ADAMTS17: variants seen among roughly 807,000 people sequenced by gnomAD.
ADAMTS17 encodes the protein A disintegrin and metalloproteinase with thrombospondin motifs 17.
ADAMTS17 carries 113 observed loss-of-function variants against 141.5 expected under a neutral mutation model. The observed-to-expected ratio is 0.80, with a 90% confidence interval of 0.69 to 0.93. The LOEUF is 0.93. ADAMTS17 is among the 40% of genes least tolerant of loss of function. The pLI is 0.00. For missense variants in ADAMTS17, 1,659 were observed against 1,517.9 expected, an observed-to-expected ratio of 1.09 and a Z score of -1.54; for synonymous variants, 768 against 630.6, an observed-to-expected ratio of 1.22 and a Z score of -3.27.
chr15:100,275,657 C>T lies in ADAMTS17; in HGVS notation c.789+5572G>A, dbSNP rs888607884. Among the ~76,000 whole-genome samples, 12 of 152,238 alleles carry T rather than the reference C, an allele frequency of 7.9e-5. 1 individual carries two copies. The highest frequency in any genetic ancestry group is 6.5e-4 in the Admixed American group (10 of 15,296). ...TGGCTGTGTCACGTCCCCAAGCCTC[C>T]ATTTCCTTCTCTGTAAAATGGGAAT... is the stretch of plus-strand genomic sequence containing the variant. On this transcript the variant is annotated intron_variant, in intron 4 of 21. Transcript: ENST00000268070.
intron 7 of ADAMTS17, among the ~76,000 whole-genome samples, chr15:100,244,337 G>A (rs1189175235): frequency 7.0e-6 from 1 of 143,812 alleles, no homozygotes; most frequent in Non-Finnish European, 1.5e-5. Flanking sequence ...GACAGTGGTG[G>A]ACAAGCAAGA....
intron 20 of ADAMTS17, among the ~76,000 whole-genome samples, chr15:99,984,848 G>A (rs910930232): frequency 6.6e-6 from 1 of 152,212 alleles, no homozygotes; most frequent in South Asian, 2.1e-4. Flanking sequence ...TGGTGGAGAC[G>A]GGGCATGGGA....
chr15:100,281,196 C>T (rs755291288), intron 4 of ADAMTS17, 33 bp downstream of exon 4: 5 of 1,599,738 alleles, frequency 3.1e-6, no homozygotes, highest in Admixed American at 1.7e-5. Context: ...GAAAACAGAG[C>T]CCCCCACATC....
At chr15:100,175,917 C>T (rs1019770848) in intron 8 of ADAMTS17, among the ~76,000 whole-genome samples, 1 of 152,162 alleles carries the variant, frequency 6.6e-6, no homozygotes, top group South Asian at 2.1e-4. Flanking sequence ...TTTTTGGCAG[C>T]CAAGTCTTTT....
intron 8 of ADAMTS17, among the ~76,000 whole-genome samples, chr15:100,162,485 A>G (rs1308589203): frequency 7.5e-5 from 10 of 132,788 alleles, no homozygotes; most frequent in Non-Finnish European, 1.1e-4. Flanking sequence ...ATGTGTATAT[A>G]TATGCACATA....
chr15:100,220,006 G>C (rs2042083739), intron 7 of ADAMTS17, among the ~76,000 whole-genome samples: 1 of 152,140 alleles, frequency 6.6e-6, no homozygotes, highest in Non-Finnish European at 1.5e-5. Flanking sequence ...CCATTTTGCA[G>C]AGAAGGAAAA....
intron 7 of ADAMTS17, among the ~76,000 whole-genome samples, chr15:100,222,340 C>G (rs752760845): frequency 6.6e-6 from 1 of 152,180 alleles, no homozygotes; most frequent in Non-Finnish European, 1.5e-5. Flanking sequence ...AGACCAGATG[C>G]TCCTGCCAGC....
intron 15 of ADAMTS17, among the ~76,000 whole-genome samples, chr15:100,091,095 C>G (rs900756698): frequency 6.6e-6 from 1 of 150,490 alleles, no homozygotes; most frequent in Non-Finnish European, 1.5e-5. Context: ...ACCGGGGAAA[C>G]TGCCTCGAGC....
intron 14 of ADAMTS17, among the ~76,000 whole-genome samples, chr15:100,101,790 A>G (rs979488108): frequency 2.6e-5 from 4 of 152,248 alleles, no homozygotes; most frequent in African/African-American, 4.8e-5. Context: ...TCTGGCTGGA[A>G]TAAGCAGTAC....
At chr15:100,028,601 C>T (rs925207979) in intron 18 of ADAMTS17, among the ~76,000 whole-genome samples, 9 of 152,222 alleles carry the variant, frequency 5.9e-5, no homozygotes, top group Admixed American at 1.3e-4. Flanking sequence ...TCTCTTAGCT[C>T]GCATCATTCT....
chr15:100,266,452 C>T (rs571932463), intron 4 of ADAMTS17, among the ~76,000 whole-genome samples: 3 of 152,318 alleles, frequency 2.0e-5, no homozygotes, highest in African/African-American at 7.2e-5. Context: ...AACTCCATTC[C>T]CCCAGGTAAG....
rs61634788 is a variant in ADAMTS17, at chr15:100,053,583, A to T, written c.2295+314T>A. On this transcript the variant is annotated intron_variant, in intron 16 of 21. Coordinates refer to ENST00000268070, the MANE Select transcript of ADAMTS17 (RefSeq NM_139057.4). ...GTGGGGCTGTCTGCTTAATGAGGCC[A>T]AGTCTCCCTGGCTGCCATCCACGTG... 4.9e-3 allele frequency among the ~76,000 whole-genome samples: 752 copies of T among 152,294 alleles called. 10 individuals are homozygous for T. Among genetic ancestry groups the T allele is most frequent in the African/African-American group, 0.017 (700 of 41,576 alleles).
At chr15:100,129,525 C>T (rs1736677365) in intron 12 of ADAMTS17, 1 of 152,276 alleles carries the variant, frequency 6.6e-6, no homozygotes, top group African/African-American at 2.4e-5. Flanking sequence ...GGGCAGATCA[C>T]CTCAGGTCAG....
intron 15 of ADAMTS17, among the ~76,000 whole-genome samples, chr15:100,091,900 T>G (rs1455626217): frequency 6.6e-6 from 1 of 152,200 alleles, no homozygotes; most frequent in Non-Finnish European, 1.5e-5. Flanking sequence ...TCCCTAATGG[T>G]GGTTCCTGGG....
intron 15 of ADAMTS17, among the ~76,000 whole-genome samples, chr15:100,073,584 T>C (rs1174431237): frequency 6.6e-6 from 1 of 151,812 alleles, no homozygotes; most frequent in Non-Finnish European, 1.5e-5. Context: ...TATGCAGCCA[T>C]AAAAAATGAT....
chr15:100,313,390 T>C (rs1377038402), intron 3 of ADAMTS17, among the ~76,000 whole-genome samples: 1 of 152,192 alleles, frequency 6.6e-6, no homozygotes, highest in Non-Finnish European at 1.5e-5. Context: ...TTACATAATA[T>C]GCCACATTAA....
chr15:100,133,265 G>C lies in ADAMTS17; in HGVS notation c.1524C>G (p.Cys508Trp). 6.3e-7 allele frequency: 1 copy of C among 1,599,912 alleles called. No individual in the cohort carries two copies. Among genetic ancestry groups the C allele is most frequent in the Non-Finnish European group, 8.5e-7 (1 of 1,172,078 alleles). Residue 508 changes from cysteine (C) to tryptophan (W), a missense_variant, in exon 11 of 22, where the codon TGC becomes TGG. By Grantham distance (215) the Cys-to-Trp change is radical (BLOSUM62 -2). Transcript: ENST00000268070. ...LWCLVEGDTS[C>W]KTKLDPPLDG... ...CCAGGGGAGGGTCCAGCTTGGTCTT[G>C]CAGGATGTGTCTCCTTCTACCAGGC...
intron 18 of ADAMTS17, among the ~76,000 whole-genome samples, chr15:100,017,718 C>G (rs1946758575): frequency 2.0e-5 from 3 of 152,206 alleles, no homozygotes; most frequent in African/African-American, 7.2e-5. Flanking sequence ...TTTGGAGTGT[C>G]TCCTGGGTCC....
chr15:100,090,127 C>A (rs1436234800), intron 15 of ADAMTS17, among the ~76,000 whole-genome samples: 1 of 152,094 alleles, frequency 6.6e-6, no homozygotes, highest in Non-Finnish European at 1.5e-5. Context: ...AAATATTCTA[C>A]AGCAAATCTC....
Sources: allele counts gnomAD v4.1 joint callset (sites outside exome capture counted in the v4.1 genomes callset), GRCh38; gene constraint gnomAD v4.1.1; transcripts MANE v1.5; gene names NCBI Gene and HGNC (gene_info 2026-07-23, HGNC 2026-07-21).